The following MED23 variants were observed in gnomAD, a reference collection of about 807,000 sequenced individuals.
MED23 encodes the protein mediator complex subunit 23.
A neutral mutation model predicts 163.9 loss-of-function variants in MED23; 105 were observed. That is an observed-to-expected ratio of 0.64 (90% CI 0.55 to 0.75). MED23 has a LOEUF of 0.75. MED23 is among the 30% of genes least tolerant of loss of function. The pLI, the probability that MED23 is intolerant of heterozygous loss-of-function variation, is 0.00. For missense variants in MED23, 1,054 were observed against 1,649.0 expected (o/e 0.64, Z 6.25); for synonymous variants, 561 against 565.6 (o/e 0.99, Z 0.12).
chr6:131,623,221 A>G (rs1179400827), intron 5 of MED23, 130 bp downstream of exon 5: 6 of 802,566 alleles, frequency 7.5e-6, no homozygotes, highest in African/African-American at 1.7e-5. Context: ...TTTTCAGGAA[A>G]TATACCACAA....
chr6:131,584,816 TACACACAC>T (rs59196638), downstream of MED23, among the ~76,000 whole-genome samples: 837 of 134,134 alleles, frequency 6.2e-3, 4 homozygotes, highest in African/African-American at 0.022. Context: ...CTACAAAAAA[TACACACAC>T]ACACACACAC....
At chr6:131,627,790 A>G in intron 1 of MED23, 118 bp from the exon 2 acceptor site, 1 of 1,092,466 alleles carries the variant, frequency 9.2e-7, no homozygotes, top group Non-Finnish European at 1.4e-6. Context: ...GAAACTATCA[A>G]TACCTGTCTG....
At chr6:131,604,464 A>G in intron 14 of MED23, 144 bp from the exon 15 acceptor site, 1 of 971,282 alleles carries the variant, frequency 1.0e-6, no homozygotes, top group Non-Finnish European at 1.6e-6. Flanking sequence ...TAAGCTGTGC[A>G]GGACACTTGG....
In MED23 at chr6:131,628,001, C is replaced by G. The variant is rs1777645889; in HGVS notation, c.39+10G>C. 6 of 1,614,022 alleles carry G rather than the reference C, an allele frequency of 3.7e-6. No individual in the cohort carries two copies. The highest frequency in any genetic ancestry group is 5.1e-6 in the Non-Finnish European group (6 of 1,180,042). ...AGCCGTAGTCCTGGATGGCCGGCAG[C>G]TGCACTCACCACCACCTCTTCGAAA... On this transcript the variant is annotated intron_variant, in intron 1 of 28. Coordinates refer to ENST00000368068, the MANE Select transcript of MED23 (RefSeq NM_004830.4).
At chr6:131,582,658 G>A (rs1177962638), downstream of MED23, 1 of 1,613,912 alleles carries the variant, frequency 6.2e-7, no homozygotes, top group South Asian at 1.1e-5. Context: ...GTGACTCCCT[G>A]TATATCTGCC....
At chr6:131,618,258 T>C (rs945675781) in intron 9 of MED23, 149 bp downstream of exon 9, 10 of 700,234 alleles carry the variant, frequency 1.4e-5, no homozygotes, top group Admixed American at 2.1e-5. Flanking sequence ...TATATTTAGA[T>C]ACTAGAATAA....
Position 131,587,702 on chromosome 6 carries a change from C to A in MED23, c.4084G>T (p.Val1362Leu). The A allele has an allele frequency of 6.2e-7, 1 of 1,614,118 alleles. No individual in the cohort carries two copies. Among genetic ancestry groups the A allele is most frequent in the Non-Finnish European group, 8.5e-7 (1 of 1,180,002 alleles). ...SPAPQSNQVP[V>L]SLPVTQ ...CTTCACTGAGTTACTGGTAAAGACACGGGCACCTGATTAGACTGAGGTGCT... is the reference window on the plus strand; with the variant it reads ...CTTCACTGAGTTACTGGTAAAGACAAGGGCACCTGATTAGACTGAGGTGCT... The change falls in exon 29 of 29, where the codon GTG becomes TTG. Residue 1362 changes from valine (V) to leucine (L), a missense_variant. This residue lies in a region of MED23 where 362 missense variants were observed against 471.6 expected (regional missense o/e 0.77). Coordinates refer to ENST00000368068, the MANE Select transcript of MED23 (RefSeq NM_004830.4).
At chr6:131,574,138 A>G in exon 31 of MED23, 1 of 894,054 alleles carries the variant, frequency 1.1e-6, no homozygotes, top group Non-Finnish European at 1.9e-6. Context: ...TTCAACACGC[A>G]TCTGTGCTTA....
At chr6:131,578,186 TAA>T (rs34484161) in intron 30 of MED23, among the ~76,000 whole-genome samples, 50 of 140,074 alleles carry the variant, frequency 3.6e-4, no homozygotes, top group African/African-American at 1.1e-3. Context: ...CGTAAATCTT[TAA>T]AAAAAAAAAA....
intron 5 of MED23, 36 bp from the exon 6 acceptor site, chr6:131,622,015 T>A: frequency 6.9e-7 from 1 of 1,446,330 alleles, no homozygotes; most frequent in Non-Finnish European, 9.7e-7. Context: ...TAAAATTAAG[T>A]AGTGTCTACT....
intron 13 of MED23, 100 bp downstream of exon 13, chr6:131,606,379 G>T: frequency 7.7e-7 from 1 of 1,295,032 alleles, no homozygotes; most frequent in Non-Finnish European, 1.1e-6. Flanking sequence ...GTGGGTATGC[G>T]GAGATTTCCA....
chr6:131,610,136 G>GAGTTGGCTTGTTCCCC lies in MED23; in HGVS notation c.971_986dup (p.Leu330GlyfsTer43). On this transcript the variant is annotated frameshift_variant, in exon 11 of 29. Coordinates refer to ENST00000368068, the MANE Select transcript of MED23 (RefSeq NM_004830.4). LOFTEE classifies it high-confidence loss of function. Reference sequence around the variant, plus strand: ...GCTGACTTGAGAGATGCTGCCACAGGAGTTGGCTTGTTCCCCCATCGTCAA... The same window carrying GAGTTGGCTTGTTCCCC: ...GCTGACTTGAGAGATGCTGCCACAGGAGTTGGCTTGTTCCCCAGTTGGCTTGTTCCCCCATCGTCAA... The GAGTTGGCTTGTTCCCC allele has an allele frequency of 6.2e-7, 1 of 1,614,054 alleles. No homozygotes were observed. The highest frequency in any genetic ancestry group is 8.5e-7 in the Non-Finnish European group (1 of 1,179,980).
chr6:131,581,732 T>C (rs1273827295), downstream of MED23, among the ~76,000 whole-genome samples: 4 of 152,208 alleles, frequency 2.6e-5, no homozygotes, highest in Non-Finnish European at 5.9e-5. Context: ...GGTCTCCTCA[T>C]TCCTTCCTCT....
chr6:131,626,670 T>C lies in MED23; in HGVS notation c.159+726A>G, dbSNP rs1201525419. Among the ~76,000 whole-genome samples the C allele has an allele frequency of 6.6e-5, 10 of 152,184 alleles. No individual in the cohort carries two copies. In the East Asian group the frequency reaches 1.9e-3, roughly 29 times the overall value. ...TATTGGATCCACCCTTTTATACCTG[T>C]GCATTTTGAACCATATAAATGTATT... On this transcript the variant is annotated intron_variant, in intron 3 of 28. Coordinates refer to ENST00000368068, the MANE Select transcript of MED23 (RefSeq NM_004830.4).
At chr6:131,616,888 T>A (rs1585552081) in intron 9 of MED23, among the ~76,000 whole-genome samples, 1 of 151,724 alleles carries the variant, frequency 6.6e-6, no homozygotes, top group East Asian at 1.9e-4. Context: ...TTTTTCAGAG[T>A]TTTCCAAATG....
At chr6:131,616,075 T>G in intron 9 of MED23, 73 bp from the exon 10 acceptor site, 1 of 1,250,510 alleles carries the variant, frequency 8.0e-7, no homozygotes, top group East Asian at 2.4e-5. Context: ...GAAATGAGAT[T>G]AAAAAATCCT....
At chr6:131,623,292 C>A (rs954258286) in intron 5 of MED23, 59 bp downstream of exon 5, 6 of 1,312,598 alleles carry the variant, frequency 4.6e-6, no homozygotes, top group Non-Finnish European at 6.6e-6. Context: ...ATAAGACATG[C>A]ACACCGAAAA....
intron 30 of MED23, among the ~76,000 whole-genome samples, chr6:131,580,755 T>C (rs1233123682): frequency 1.4e-5 from 2 of 145,088 alleles, no homozygotes; most frequent in Non-Finnish European, 3.0e-5. Context: ...TCTCAAATTA[T>C]AAAAGCTGGA....
chr6:131,626,448 G>A (rs903091346), intron 3 of MED23, among the ~76,000 whole-genome samples: 9 of 151,990 alleles, frequency 5.9e-5, no homozygotes, highest in African/African-American at 1.7e-4. Flanking sequence ...AACAAGTAAC[G>A]CTTGGACTGA....
Sources: allele counts gnomAD v4.1 joint callset (sites outside exome capture counted in the v4.1 genomes callset), GRCh38; gene constraint gnomAD v4.1.1; regional missense constraint gnomAD v4.1.1; transcripts MANE v1.5; gene names NCBI Gene and HGNC (gene_info 2026-07-23, HGNC 2026-07-21).